Variants in FGFR1OP2 observed in about 807,000 individuals in gnomAD.
FGFR1OP2 encodes the protein FGFR1 oncogene partner 2, also known as fibroblast growth factor receptor 1 oncogene partner 2.
FGFR1OP2 carries 17 observed loss-of-function variants against 35.2 expected under a neutral mutation model. The observed-to-expected ratio is 0.48, with a 90% confidence interval of 0.33 to 0.73. FGFR1OP2 has a LOEUF of 0.73. FGFR1OP2 is among the 30% of genes least tolerant of loss of function. The pLI is 0.02. For missense variants in FGFR1OP2, 251 were observed against 307.3 expected (o/e 0.82, Z 1.37); for synonymous variants, 105 against 104.6 (o/e 1.00, Z -0.03).
At position 26,965,849 on chromosome 12, in the gene FGFR1OP2, T is replaced by A. The variant is rs185755898; in HGVS notation, c.*1116T>A. On this transcript the variant is annotated 3_prime_UTR_variant, in exon 7 of 7. Coordinates refer to ENST00000229395, the MANE Select transcript of FGFR1OP2 (RefSeq NM_015633.3). ...TCAAATATATAATATGTAATTTTTTTAAAAACCACCAGATACAGAAATGTG... is the reference window on the plus strand; with the variant it reads ...TCAAATATATAATATGTAATTTTTTAAAAAACCACCAGATACAGAAATGTG... 103 of 152,128 alleles carry A rather than the reference T, an allele frequency of 6.8e-4. No individual in the cohort carries two copies. Among genetic ancestry groups the A allele is most frequent in the South Asian group, 2.7e-3 (13 of 4,828 alleles). The allele number at this position is 152,128 out of a possible 1,614,324, so 9.4% of individuals were successfully genotyped here. A position where few individuals can be genotyped will look rare whatever the true frequency, so the allele number is the denominator to read the frequency against.
chr12:26,960,162 C>G (rs1272458119), intron 4 of FGFR1OP2, among the ~76,000 whole-genome samples: 1 of 151,998 alleles, frequency 6.6e-6, no homozygotes, highest in Non-Finnish European at 1.5e-5. Flanking sequence ...TACTAGTGCT[C>G]TGATATGCCT....
intron 2 of FGFR1OP2, among the ~76,000 whole-genome samples, chr12:26,955,495 C>G (rs1939004348): frequency 6.6e-6 from 1 of 152,188 alleles, no homozygotes; most frequent in Non-Finnish European, 1.5e-5. Context: ...TTTCCCCTTT[C>G]CTCAGTCTCT....
In FGFR1OP2 at chr12:26,966,265, T is replaced by C. The variant is rs1193823120; in HGVS notation, c.*1532T>C. Reference sequence around the variant, plus strand: ...TGACAGTTTTTATTTTTAAACTTTTTATTGTTTTTGGGAAAGTATTCCTTA... The same window carrying C: ...TGACAGTTTTTATTTTTAAACTTTTCATTGTTTTTGGGAAAGTATTCCTTA... On this transcript the variant is annotated 3_prime_UTR_variant, in exon 7 of 7. Transcript: ENST00000229395. The C allele has an allele frequency of 1.3e-5, 2 of 152,098 alleles. No individual in the cohort carries two copies. The highest frequency in any genetic ancestry group is 1.3e-4 in the Admixed American group (2 of 15,268). 9.4% of individuals were successfully genotyped at this position (152,098 alleles called of 1,614,324 possible).
chr12:26,956,987 T>G (rs1241206889), intron 3 of FGFR1OP2, among the ~76,000 whole-genome samples: 1 of 152,234 alleles, frequency 6.6e-6, no homozygotes, highest in Non-Finnish European at 1.5e-5. Flanking sequence ...AAAATCAGTC[T>G]GATCATGTAA....
At chr12:26,940,310 A>G (rs1337882417) in intron 1 of FGFR1OP2, among the ~76,000 whole-genome samples, 2 of 152,216 alleles carry the variant, frequency 1.3e-5, no homozygotes, top group African/African-American at 4.8e-5. Flanking sequence ...CTCCAGTGTC[A>G]TTACTTCCAA....
Position 26,945,434 on chromosome 12 carries a change from TC to T in FGFR1OP2, c.-15+6725del, listed in dbSNP as rs570796408. On this transcript the variant is annotated intron_variant, in intron 1 of 6. Transcript: ENST00000229395. Reference sequence around the variant, plus strand: ...TTTCATGTTTATTTAGATCAAAGTATCTTCTAATTTCCAGAAACTTCCTTTT... The same window carrying T: ...TTTCATGTTTATTTAGATCAAAGTATTTCTAATTTCCAGAAACTTCCTTTT... Among the ~76,000 whole-genome samples the T allele has an allele frequency of 7.2e-5, 11 of 152,368 alleles. No homozygotes were observed. The East Asian group carries it at 2.1e-3, about 29-fold the overall frequency.
Position 26,963,345 on chromosome 12 carries a change from C to A in FGFR1OP2, c.514C>A (p.Leu172Met). 2.5e-6 allele frequency: 4 copies of A among 1,592,480 alleles called. No individual in the cohort carries two copies. In the East Asian group the frequency reaches 9.0e-5, roughly 36 times the overall value. ...AACTCCCATCCCTCTTTTTCAGGAA[C>A]TGCAAGCACATGTTGACCAGATAAC... ...RRHLEANQNELQAHVDQITEM... is the reference protein window; with the variant it reads ...RRHLEANQNEMQAHVDQITEM... The change falls in exon 6 of 7, where the codon CTG becomes ATG. Residue 172 changes from leucine to methionine, a missense_variant. Physicochemically the swap from Leu to Met is conservative, Grantham distance 15. Coordinates refer to ENST00000229395, the MANE Select transcript of FGFR1OP2 (RefSeq NM_015633.3).
chr12:26,954,985 A>G (rs907974986), intron 2 of FGFR1OP2, among the ~76,000 whole-genome samples: 4 of 152,202 alleles, frequency 2.6e-5, no homozygotes, highest in African/African-American at 4.8e-5. Flanking sequence ...CTCCTCATCT[A>G]TTTTGTAAAA....
rs1304398982 is a variant in FGFR1OP2, at chr12:26,964,702, C to T, written c.731C>T (p.Thr244Ile). The T allele has an allele frequency of 6.2e-7, 1 of 1,611,346 alleles. No individual in the cohort carries two copies. Among genetic ancestry groups the T allele is most frequent in the South Asian group, 1.1e-5 (1 of 90,946 alleles). ...AGTACTTCTTTGTCAGCATTAGTGA[C>T]CAACAGTGATTTGAGTCTGAGGAAG... ...SESTSLSALV[T>I]NSDLSLRKS Residue 244 changes from threonine (T) to isoleucine (I), a missense_variant, in exon 7 of 7, where the codon ACC (threonine) becomes ATC (isoleucine). Coordinates refer to ENST00000229395, the MANE Select transcript of FGFR1OP2 (RefSeq NM_015633.3).
chr12:26,948,280 G>T (rs532664366), intron 1 of FGFR1OP2, among the ~76,000 whole-genome samples: 2 of 152,284 alleles, frequency 1.3e-5, no homozygotes, highest in South Asian at 4.1e-4. Context: ...GATGTTCTAA[G>T]TTTCCTTCTG....
rs751464736 is a variant in FGFR1OP2, at chr12:26,954,148, T to C, written c.-11T>C. ...TTGATTTTAATTTTAATTATAGATA[T>C]ATCTTTAGAAATGAGTTGCACAATT... On this transcript the variant is annotated 5_prime_UTR_variant, in exon 2 of 7. Transcript: ENST00000229395. The C allele has an allele frequency of 1.9e-6, 3 of 1,572,160 alleles. No homozygotes were observed. Among genetic ancestry groups the C allele is most frequent in the Non-Finnish European group, 2.6e-6 (3 of 1,160,626 alleles).
chr12:26,939,578 CTA>C, intron 1 of FGFR1OP2, among the ~76,000 whole-genome samples: 1 of 152,334 alleles, frequency 6.6e-6, no homozygotes, highest in South Asian at 2.1e-4. Context: ...TACTGTTCCT[CTA>C]TTTTACCACC....
intron 1 of FGFR1OP2, among the ~76,000 whole-genome samples, chr12:26,943,036 A>G (rs1488198418): frequency 6.6e-6 from 1 of 152,174 alleles, no homozygotes; most frequent in Admixed American, 6.5e-5. Flanking sequence ...CAGGTCACAA[A>G]GATTTTCTCT....
At chr12:26,961,020 G>GCACACATT (rs1939098348) in intron 5 of FGFR1OP2, 1 of 158,340 alleles carries the variant, frequency 6.3e-6, no homozygotes, top group African/African-American at 2.4e-5. Flanking sequence ...TGGATAGTTT[G>GCACACATT]TAGTCCTTTG....
At chr12:26,950,665 A>G (rs1938913717) in intron 1 of FGFR1OP2, among the ~76,000 whole-genome samples, 1 of 152,356 alleles carries the variant, frequency 6.6e-6, no homozygotes, top group African/African-American at 2.4e-5. Context: ...AGTGGAGCAC[A>G]GTTAAGTCAT....
At position 26,965,481 on chromosome 12, in the gene FGFR1OP2, A is replaced by T. The variant is rs1939162074; in HGVS notation, c.*748A>T. The T allele has an allele frequency of 6.6e-6, 1 of 152,538 alleles. No individual in the cohort carries two copies. The highest frequency in any genetic ancestry group is 2.4e-5 in the African/African-American group (1 of 41,452). 9.4% of individuals were successfully genotyped at this position (152,538 alleles called of 1,614,324 possible). On this transcript the variant is annotated 3_prime_UTR_variant, in exon 7 of 7. Coordinates refer to ENST00000229395, the MANE Select transcript of FGFR1OP2 (RefSeq NM_015633.3). Reference sequence around the variant, plus strand: ...AATAAGTTTTGGTTCAAAGTCAATAATGAAGACGAGATTTGTTTTTCTCTT... The same window carrying T: ...AATAAGTTTTGGTTCAAAGTCAATATTGAAGACGAGATTTGTTTTTCTCTT...
At chr12:26,945,861 C>CG (rs1565847093) in intron 1 of FGFR1OP2, among the ~76,000 whole-genome samples, 3 of 81,470 alleles carry the variant, frequency 3.7e-5, no homozygotes, top group South Asian at 3.4e-4. Flanking sequence ...AACTCCGTCT[C>CG]AAAAAAAAAA....
Position 26,964,843 on chromosome 12 carries a change from A to G in FGFR1OP2, c.*110A>G, listed in dbSNP as rs1052818790. On this transcript the variant is annotated 3_prime_UTR_variant, in exon 7 of 7. Transcript: ENST00000229395. ...TATTTTTTTCTCTGTAAATATGTAC[A>G]GTGCACGGGCTATGAGATAGCAACA... The G allele has an allele frequency of 7.6e-6, 9 of 1,191,868 alleles. No individual in the cohort carries two copies. In the African/African-American group the frequency reaches 1.4e-4, roughly 18 times the overall value. The allele number at this position is 1,191,868 out of a possible 1,614,324, so 73.8% of individuals were successfully genotyped here.
At chr12:26,953,383 A>G (rs1407947735) in intron 1 of FGFR1OP2, among the ~76,000 whole-genome samples, 1 of 151,676 alleles carries the variant, frequency 6.6e-6, no homozygotes, top group Non-Finnish European at 1.5e-5. Flanking sequence ...ATTTTGTTTG[A>G]GGTTTCTACA....
Sources: allele counts gnomAD v4.1 joint callset (sites outside exome capture counted in the v4.1 genomes callset), GRCh38; gene constraint gnomAD v4.1.1; transcripts MANE v1.5; gene names NCBI Gene and HGNC (gene_info 2026-07-23, HGNC 2026-07-21).